Variants in PCDH7 observed in about 807,000 individuals in gnomAD.
PCDH7 encodes protocadherin-7.
A neutral mutation model predicts 58.9 loss-of-function variants in PCDH7; 17 were observed. The observed-to-expected ratio is 0.29, with a 90% CI of 0.20 to 0.43. PCDH7 has a LOEUF of 0.43. Ranked by LOEUF, PCDH7 falls within the 20% of genes least tolerant of loss-of-function variation. The pLI is 1.00. For synonymous variants in PCDH7, 664 were observed against 616.4 expected, an observed-to-expected ratio of 1.08 and a Z score of -1.14; for missense variants, 1,274 against 1,441.0, an observed-to-expected ratio of 0.88 and a Z score of 1.88.
chr4:30,734,101 C>G (rs1715905102), downstream of PCDH7, among the ~76,000 whole-genome samples: 1 of 151,940 alleles, frequency 6.6e-6, no homozygotes, highest in Non-Finnish European at 1.5e-5. Context: ...CTACCAAAGT[C>G]TTTTGGGAGC....
chr4:30,737,540 G>A (rs1716476511), downstream of PCDH7, among the ~76,000 whole-genome samples: 1 of 139,598 alleles, frequency 7.2e-6, no homozygotes, highest in Non-Finnish European at 1.5e-5. Flanking sequence ...ATACATATGT[G>A]TGTGTGTGTG....
intron 3 of PCDH7, among the ~76,000 whole-genome samples, chr4:30,972,211 T>C (rs1749653003): frequency 1.3e-5 from 2 of 152,194 alleles, no homozygotes; most frequent in South Asian, 4.1e-4. Context: ...CAATTTTTCT[T>C]AATCTGAACA....
chr4:31,100,042 T>C (rs1714695011), intron 3 of PCDH7, among the ~76,000 whole-genome samples: 1 of 152,188 alleles, frequency 6.6e-6, no homozygotes, highest in Admixed American at 6.5e-5. Context: ...TGGCTGAGTA[T>C]GGCTCTCACT....
intron 3 of PCDH7, among the ~76,000 whole-genome samples, chr4:30,973,165 A>G (rs1560545279): frequency 6.6e-6 from 1 of 152,220 alleles, no homozygotes; most frequent in Non-Finnish European, 1.5e-5. Context: ...CATTTACAAA[A>G]GATTTCTGAT....
At chr4:31,073,017 C>T (rs1175584533) in intron 3 of PCDH7, among the ~76,000 whole-genome samples, 2 of 152,096 alleles carry the variant, frequency 1.3e-5, no homozygotes, top group South Asian at 4.2e-4. Flanking sequence ...TTGAGAGAAT[C>T]AGGAAAAAAT....
At chr4:30,734,264 G>C (rs1715930958), downstream of PCDH7, among the ~76,000 whole-genome samples, 1 of 150,418 alleles carries the variant, frequency 6.6e-6, no homozygotes. Context: ...ACATAGTCTG[G>C]CTCCATTGCC....
chr4:30,799,255 G>T (rs1452894379), intron 1 of PCDH7, among the ~76,000 whole-genome samples: 1 of 152,114 alleles, frequency 6.6e-6, no homozygotes, highest in East Asian at 1.9e-4. Context: ...AAGGGCCTAT[G>T]GCATGCTAGG....
chr4:31,000,374 A>G (rs1031552690), intron 3 of PCDH7, among the ~76,000 whole-genome samples: 8 of 152,140 alleles, frequency 5.3e-5, no homozygotes, highest in African/African-American at 1.9e-4. Context: ...CATCTAGTTT[A>G]TATCTGAACG....
chr4:30,827,000 T>A (rs975511168), intron 1 of PCDH7, among the ~76,000 whole-genome samples: 1 of 152,162 alleles, frequency 6.6e-6, no homozygotes, highest in Non-Finnish European at 1.5e-5. Flanking sequence ...TTCTCTTATG[T>A]TTCCTGCCTT....
At chr4:30,889,746 T>C (rs1053793578) in intron 1 of PCDH7, among the ~76,000 whole-genome samples, 2 of 152,158 alleles carry the variant, frequency 1.3e-5, no homozygotes, top group Non-Finnish European at 2.9e-5. Flanking sequence ...TGTGCCTCTT[T>C]TATAAGGATG....
At chr4:31,080,171 C>T (rs529991979) in intron 3 of PCDH7, among the ~76,000 whole-genome samples, 2 of 152,214 alleles carry the variant, frequency 1.3e-5, no homozygotes, top group South Asian at 2.1e-4. Flanking sequence ...AGATAAGTCT[C>T]TTCTACCACT....
intron 3 of PCDH7, among the ~76,000 whole-genome samples, chr4:30,977,974 C>G (rs557155593): frequency 6.6e-6 from 1 of 152,124 alleles, no homozygotes; most frequent in Non-Finnish European, 1.5e-5. Flanking sequence ...TCGTATAAAT[C>G]TAAAACTTTT....
At chr4:30,829,761 G>T (rs61794196) in intron 1 of PCDH7, among the ~76,000 whole-genome samples, 1 of 152,012 alleles carries the variant, frequency 6.6e-6, no homozygotes, top group African/African-American at 2.4e-5. Context: ...ACAGTATTTA[G>T]AAATATGGCT....
chr4:31,006,092 A>C (rs770831999), intron 3 of PCDH7, among the ~76,000 whole-genome samples: 7 of 152,184 alleles, frequency 4.6e-5, no homozygotes, highest in Non-Finnish European at 7.4e-5. Flanking sequence ...GGGCTAAATA[A>C]ATTTTGGCTA....
chr4:30,786,519 A>T (rs1051529280), intron 1 of PCDH7, among the ~76,000 whole-genome samples: 1 of 151,850 alleles, frequency 6.6e-6, no homozygotes, highest in South Asian at 2.1e-4. Context: ...AGCCAGCTGT[A>T]TTGATTTAGA....
intron 1 of PCDH7, among the ~76,000 whole-genome samples, chr4:30,794,227 T>C (rs2109301072): frequency 6.6e-6 from 1 of 152,280 alleles, no homozygotes; most frequent in South Asian, 2.1e-4. Flanking sequence ...ACAGCAAACC[T>C]CCTGAAGGTG....
chr4:30,723,430 C>A lies in PCDH7; in HGVS notation c.2008C>A (p.Arg670=). The change falls in exon 1 of 2, where the codon CGG becomes AGG. Residue 670 remains arginine (R), a synonymous_variant. Transcript: ENST00000361762. This position sits in a 1 kb window ranked among gnomAD's most constrained non-coding sequence, Gnocchi z 4.6. ...CACCGTGATGGATGCTGACAAGGGG[C>A]GGAATGCAGAGATGAGCCTGTACAT... 1 of 1,614,050 alleles carries A rather than the reference C, an allele frequency of 6.2e-7. No homozygotes were observed. The highest frequency in any genetic ancestry group is 8.5e-7 in the Non-Finnish European group (1 of 1,180,010).
intron 1 of PCDH7, among the ~76,000 whole-genome samples, chr4:30,859,681 C>T (rs1341219858): frequency 6.6e-6 from 1 of 152,022 alleles, no homozygotes; most frequent in African/African-American, 2.4e-5. Context: ...CTCAAGTGAT[C>T]CACCAGCCTC....
intron 1 of PCDH7, among the ~76,000 whole-genome samples, chr4:30,883,931 C>T (rs1291425206): frequency 6.6e-6 from 1 of 152,158 alleles, no homozygotes; most frequent in Non-Finnish European, 1.5e-5. Flanking sequence ...GTGGCAGCAG[C>T]CAGTATTCCT....
Sources: gnomAD v4.1 joint callset for allele counts (sites outside exome capture counted in the v4.1 genomes callset) on GRCh38, gnomAD v4.1.1 for gene constraint, Gnocchi (gnomAD v3.1) non-coding constraint, MANE v1.5 for transcripts, NCBI Gene and HGNC (gene_info 2026-07-23, HGNC 2026-07-21) for gene names.